The following DMRT1 variants were observed in gnomAD, a reference collection of about 807,000 sequenced individuals.
DMRT1 encodes the protein doublesex and mab-3 related transcription factor 1.
DMRT1 carries 7 observed loss-of-function variants against 32.3 expected under a neutral mutation model. The ratio of observed to expected loss-of-function variants is 0.22; its 90% CI spans 0.12 to 0.41. The LOEUF is 0.41. DMRT1 is among the 10% of genes least tolerant of loss of function. The pLI, the probability that DMRT1 is intolerant of heterozygous loss-of-function variation, is 1.00. For missense variants in DMRT1, 625 were observed against 500.5 expected (o/e 1.25, Z -2.37); for synonymous variants, 278 against 206.1 (o/e 1.35, Z -2.99).
intron 4 of DMRT1, among the ~76,000 whole-genome samples, chr9:957,904 G>A (rs1359833660): frequency 6.6e-6 from 1 of 152,160 alleles, no homozygotes; most frequent in Non-Finnish European, 1.5e-5. Flanking sequence ...TAGCTACTTG[G>A]GAGGCTGAGG....
intron 4 of DMRT1, among the ~76,000 whole-genome samples, chr9:962,124 G>C (rs1007877895): frequency 5.3e-5 from 8 of 152,170 alleles, no homozygotes; most frequent in Non-Finnish European, 1.0e-4. Context: ...CATAGTTTTA[G>C]AGTGACTTTG....
intron 2 of DMRT1, among the ~76,000 whole-genome samples, chr9:867,694 A>G (rs1353610046): frequency 1.3e-5 from 2 of 152,190 alleles, no homozygotes; most frequent in African/African-American, 4.8e-5. Context: ...CATGCCCTAC[A>G]TCGGGCTCCA....
rs536289255 is a variant in DMRT1 at position 881,344 on chromosome 9, G to A, written c.539-12568G>A. Among the ~76,000 whole-genome samples, 4 of 152,262 alleles carry A rather than the reference G, an allele frequency of 2.6e-5. No individual in the cohort carries two copies. In the South Asian group the frequency reaches 8.3e-4, roughly 32 times the overall value. ...GAAGCTATGTGAAACAATATGGTGA[G>A]GTATAATTCGGTTTCTTAATTGTAT... On this transcript the variant is annotated intron_variant, in intron 2 of 4. Coordinates refer to ENST00000382276, the MANE Select transcript of DMRT1 (RefSeq NM_021951.3).
At chr9:963,772 A>T (rs1261727123) in intron 4 of DMRT1, among the ~76,000 whole-genome samples, 1 of 152,250 alleles carries the variant, frequency 6.6e-6, no homozygotes, top group African/African-American at 2.4e-5. Flanking sequence ...CATTAAATAT[A>T]TGCTAAGTGG....
At chr9:951,811 A>G (rs1253798378) in intron 4 of DMRT1, among the ~76,000 whole-genome samples, 2 of 152,174 alleles carry the variant, frequency 1.3e-5, no homozygotes, top group African/African-American at 4.8e-5. Flanking sequence ...GATGCAGAGG[A>G]CCAGGCAAAC....
intron 2 of DMRT1, among the ~76,000 whole-genome samples, chr9:888,466 C>T (rs1324622711): frequency 6.6e-6 from 1 of 152,028 alleles, no homozygotes; most frequent in Admixed American, 6.6e-5. Context: ...ACCACCATGC[C>T]CAGCCAATTT....
intron 1 of DMRT1, among the ~76,000 whole-genome samples, chr9:845,779 G>T (rs1222294349): frequency 2.9e-5 from 4 of 139,132 alleles, no homozygotes; most frequent in African/African-American, 1.0e-4. Flanking sequence ...GACCCTGCCT[G>T]CCTTTCCTGC....
At chr9:963,873 C>G (rs867535649) in intron 4 of DMRT1, among the ~76,000 whole-genome samples, 24 of 152,230 alleles carry the variant, frequency 1.6e-4, no homozygotes, top group African/African-American at 5.5e-4. Flanking sequence ...AGCTTTTCAT[C>G]AGATTCTTTC....
At chr9:875,897 G>A (rs1229203744) in intron 2 of DMRT1, among the ~76,000 whole-genome samples, 3 of 152,052 alleles carry the variant, frequency 2.0e-5, no homozygotes, top group Non-Finnish European at 2.9e-5. Flanking sequence ...AAATAGCTGC[G>A]TCCGGTGTTT....
chr9:931,528 C>T (rs1262269449), intron 4 of DMRT1, among the ~76,000 whole-genome samples: 1 of 152,186 alleles, frequency 6.6e-6, no homozygotes, highest in Non-Finnish European at 1.5e-5. Flanking sequence ...GGCCCAACAA[C>T]AGAAATTTAT....
chr9:909,744 T>G (rs981887633), intron 3 of DMRT1, among the ~76,000 whole-genome samples: 7 of 152,042 alleles, frequency 4.6e-5, no homozygotes, highest in African/African-American at 1.7e-4. Context: ...AACAGGGTCT[T>G]AATCTGTCAC....
At chr9:945,320 AT>A in intron 4 of DMRT1, among the ~76,000 whole-genome samples, 1 of 152,012 alleles carries the variant, frequency 6.6e-6, no homozygotes, top group South Asian at 2.1e-4. Context: ...CGCCTGGCTA[AT>A]TTTTTTGTAT....
At chr9:914,877 C>A (rs1437347156) in intron 3 of DMRT1, among the ~76,000 whole-genome samples, 1 of 152,154 alleles carries the variant, frequency 6.6e-6, no homozygotes, top group Non-Finnish European at 1.5e-5. Context: ...CTCTTTCTAC[C>A]AAACAGCACC....
rs536596013 is a variant in DMRT1 at position 864,488 on chromosome 9, C to G, written c.538+17345C>G. 5.4e-3 allele frequency among the ~76,000 whole-genome samples: 768 copies of G among 142,310 alleles called. 6 individuals are homozygous for G. The highest frequency in any genetic ancestry group is 0.018 in the African/African-American group (703 of 38,442). The allele number at this position is 142,310 out of a possible 152,430, so 93.4% of individuals were successfully genotyped here. The stretch of plus-strand genomic sequence containing the variant: ...GATTACAGGCGTGAGCCACCATGCC[C>G]AGCCAGTACTCTTTTTTTTTTTTTT... On this transcript the variant is annotated intron_variant, in intron 2 of 4. Coordinates refer to ENST00000382276, the MANE Select transcript of DMRT1 (RefSeq NM_021951.3).
chr9:842,709 C>A, intron 1 of DMRT1: 1 of 153,764 alleles, frequency 6.5e-6, no homozygotes, highest in Non-Finnish European at 1.4e-5. Context: ...TCCCGCCCGC[C>A]GGGCAGAGTT....
intron 4 of DMRT1, among the ~76,000 whole-genome samples, chr9:924,100 C>A: frequency 7.4e-6 from 1 of 134,782 alleles, no homozygotes; most frequent in East Asian, 2.2e-4. Context: ...CACCTGGAGT[C>A]TCTCTCTGTC....
intron 4 of DMRT1, among the ~76,000 whole-genome samples, chr9:925,972 G>C (rs1055685130): frequency 6.6e-6 from 1 of 152,162 alleles, no homozygotes; most frequent in African/African-American, 2.4e-5. Flanking sequence ...GGGGTTGAGA[G>C]TGCACTTGGG....
chr9:898,086 T>A lies in DMRT1; in HGVS notation c.822+3891T>A, dbSNP rs1281645487. On this transcript the variant is annotated intron_variant, in intron 3 of 4. Coordinates refer to ENST00000382276, the MANE Select transcript of DMRT1 (RefSeq NM_021951.3). ...GAGAGAAACTGGATGGCTCACTTTT[T>A]AACCAGAGTCGTTTTTCTTTTTTCT... 2.0e-5 allele frequency among the ~76,000 whole-genome samples: 3 copies of A among 152,168 alleles called. No individual in the cohort carries two copies. The East Asian group carries it at 5.8e-4, about 29-fold the overall frequency.
At chr9:847,792 G>A (rs1369029305) in intron 2 of DMRT1, among the ~76,000 whole-genome samples, 3 of 152,208 alleles carry the variant, frequency 2.0e-5, no homozygotes, top group African/African-American at 7.2e-5. Context: ...GTCTGGAGCT[G>A]TACTGTCCGA....
Sources: gnomAD v4.1 joint callset for allele counts (sites outside exome capture counted in the v4.1 genomes callset) on GRCh38, gnomAD v4.1.1 for gene constraint, MANE v1.5 for transcripts, NCBI Gene and HGNC (gene_info 2026-07-23, HGNC 2026-07-21) for gene names.